The following KLF8 variants were observed in gnomAD, a reference collection of about 807,000 sequenced individuals.
KLF8 encodes Krueppel-like factor 8.
KLF8 carries 10 observed loss-of-function variants against 18.2 expected under a neutral mutation model. That is an observed-to-expected ratio of 0.55 (90% confidence interval 0.34 to 0.93). The LOEUF is 0.93. Among genes scored for constraint, KLF8 ranks in the 40% least tolerant of loss-of-function variants. The pLI is 0.02. For missense variants in KLF8, 264 were observed against 277.9 expected, an observed-to-expected ratio of 0.95 and a Z score of 0.36; for synonymous variants, 109 against 97.3, an observed-to-expected ratio of 1.12 and a Z score of -0.71.
At chrX:55,973,047 A>G in the KLF8 span, among the ~76,000 whole-genome samples, 1 of 112,570 alleles carries the variant, frequency 8.9e-6, no homozygotes, top group Non-Finnish European at 1.9e-5. Flanking sequence ...TAGGGAACCT[A>G]GAAACAAAGC....
chrX:56,142,239 C>A, the KLF8 span, among the ~76,000 whole-genome samples: 5 of 111,829 alleles, frequency 4.5e-5, no homozygotes, highest in Non-Finnish European at 9.4e-5. Flanking sequence ...CACCAATAAC[C>A]TCCAAGTTAC....
chrX:56,248,631 C>G (rs2066659798), intron 1 of KLF8, among the ~76,000 whole-genome samples: 1 of 111,454 alleles, frequency 9.0e-6, no homozygotes, highest in Admixed American at 9.6e-5. Context: ...CGAATCTTCT[C>G]CACTCCTACG....
the KLF8 span, among the ~76,000 whole-genome samples, chrX:56,024,855 C>T: frequency 3.6e-5 from 4 of 112,478 alleles, no homozygotes; most frequent in East Asian, 2.8e-4. Context: ...TTTGGTTTCA[C>T]TTCCTTGTTT....
At chrX:55,915,870 T>C in the KLF8 span, among the ~76,000 whole-genome samples, 2 of 112,111 alleles carry the variant, frequency 1.8e-5, no homozygotes, top group Non-Finnish European at 3.8e-5. Flanking sequence ...GTTTTGGAAA[T>C]GGGAAGTTGT....
At chrX:56,076,453 C>T in the KLF8 span, among the ~76,000 whole-genome samples, 1 of 110,604 alleles carries the variant, frequency 9.0e-6, no homozygotes, top group African/African-American at 3.3e-5. Context: ...ATCCATGTCC[C>T]TACAAAGGAC....
the KLF8 span, among the ~76,000 whole-genome samples, chrX:56,136,445 C>T: frequency 1.6e-3 from 180 of 110,556 alleles, no homozygotes; most frequent in East Asian, 5.4e-3. Context: ...TCAGAAATAA[C>T]GCCGCATATC....
the KLF8 span, among the ~76,000 whole-genome samples, chrX:56,045,796 A>C: frequency 9.0e-6 from 1 of 111,208 alleles, no homozygotes; most frequent in African/African-American, 3.3e-5. Flanking sequence ...CAGATCTAGG[A>C]GCTTTTTGGA....
chrX:56,196,422 A>C, the KLF8 span, among the ~76,000 whole-genome samples: 1 of 111,292 alleles, frequency 9.0e-6, no homozygotes, highest in Non-Finnish European at 1.9e-5. Flanking sequence ...AAAAAATAAA[A>C]ATAAATAAAA....
At chrX:56,037,089 C>T in the KLF8 span, among the ~76,000 whole-genome samples, 1 of 111,520 alleles carries the variant, frequency 9.0e-6, no homozygotes, top group Non-Finnish European at 1.9e-5. Context: ...TAAGATCATG[C>T]CATTTGCAAA....
chrX:56,040,560 T>C, the KLF8 span, among the ~76,000 whole-genome samples: 1 of 111,372 alleles, frequency 9.0e-6, no homozygotes, highest in Non-Finnish European at 1.9e-5. Context: ...CAACCTTGCA[T>C]CTCTAGCATG....
chrX:56,049,332 C>T, the KLF8 span, among the ~76,000 whole-genome samples: 25 of 111,552 alleles, frequency 2.2e-4, no homozygotes, highest in Non-Finnish European at 1.1e-4. Context: ...AGAAGGCATC[C>T]CTGTCTTGTG....
Position 56,290,991 on chromosome X carries a change from A to G in KLF8, c.*6497A>G, listed in dbSNP as rs6612509. ...TTACTTTATAACTATGCTGTATGCCATGCTGTTTTCATTGTATCACAGAAT... is the reference window on the plus strand; with the variant it reads ...TTACTTTATAACTATGCTGTATGCCGTGCTGTTTTCATTGTATCACAGAAT... On this transcript the variant is annotated 3_prime_UTR_variant, in exon 6 of 6. Coordinates refer to ENST00000468660, the MANE Select transcript of KLF8 (RefSeq NM_007250.5). Among the ~76,000 whole-genome samples, 59,887 of 109,982 alleles carry G rather than the reference A, an allele frequency of 0.54. 13,668 individuals are homozygous for G. Among genetic ancestry groups the G allele is most frequent in the Non-Finnish European group, 0.72 (38,034 of 52,559 alleles).
At chrX:55,997,252 G>A in the KLF8 span, among the ~76,000 whole-genome samples, 1 of 111,779 alleles carries the variant, frequency 8.9e-6, no homozygotes, top group Non-Finnish European at 1.9e-5. Flanking sequence ...AAGGTGAAAG[G>A]CACCTAGAGA....
the KLF8 span, among the ~76,000 whole-genome samples, chrX:56,129,650 A>G: frequency 9.0e-6 from 1 of 111,440 alleles, no homozygotes. Flanking sequence ...AACCACTTGA[A>G]CCAAACGTGA....
the KLF8 span, among the ~76,000 whole-genome samples, chrX:56,134,245 C>G: frequency 9.0e-6 from 1 of 111,609 alleles, no homozygotes; most frequent in African/African-American, 3.3e-5. Context: ...CTGGAGGCAT[C>G]ACATTACCTG....
At chrX:55,919,457 G>A in the KLF8 span, among the ~76,000 whole-genome samples, 37 of 111,895 alleles carry the variant, frequency 3.3e-4, no homozygotes, top group Non-Finnish European at 6.6e-4. Context: ...TCAACAGGGA[G>A]GTTCGTGGTC....
the KLF8 span, among the ~76,000 whole-genome samples, chrX:55,986,459 C>G: frequency 9.0e-6 from 1 of 111,662 alleles, no homozygotes; most frequent in South Asian, 3.7e-4. Context: ...TTGAACCAAC[C>G]TTGCATCCTG....
At chrX:56,202,005 G>A in the KLF8 span, among the ~76,000 whole-genome samples, 211 of 111,107 alleles carry the variant, frequency 1.9e-3, 3 homozygotes, top group East Asian at 0.053. Context: ...CTTGGGATTC[G>A]GGAAGTATGT....
At chrX:56,269,154 C>T (rs1482840135) in intron 3 of KLF8, 4 of 986,716 alleles carry the variant, frequency 4.1e-6, no homozygotes, top group Non-Finnish European at 5.1e-6. Context: ...ACTCTTCATA[C>T]TACTCTTACT....
Sources: allele counts gnomAD v4.1 joint callset (sites outside exome capture counted in the v4.1 genomes callset), GRCh38; gene constraint gnomAD v4.1.1; transcripts MANE v1.5; gene names NCBI Gene and HGNC (gene_info 2026-07-23, HGNC 2026-07-21).